TBC1D19: variants seen among roughly 807,000 people sequenced by gnomAD.
The protein encoded by TBC1D19 is TBC1 domain family member 19, also known as TBC1 domain family, member 19.
In TBC1D19, 60 loss-of-function variants were observed where a neutral mutation model predicts 89.0. That is an observed-to-expected ratio of 0.67 (90% CI 0.55 to 0.84). The LOEUF (loss-of-function observed/expected upper bound fraction) is 0.84, where lower values mean the gene tolerates loss of function less well. Ranked by LOEUF, TBC1D19 falls within the 40% of genes least tolerant of loss-of-function variation. The pLI, the probability that TBC1D19 is intolerant of heterozygous loss-of-function variation, is 0.00. For missense variants in TBC1D19, 500 were observed against 610.8 expected (o/e 0.82, Z 1.91); for synonymous variants, 189 against 199.7 (o/e 0.95, Z 0.45).
At chr4:26,675,514 G>A (rs932320745) in intron 11 of TBC1D19, among the ~76,000 whole-genome samples, 2 of 151,952 alleles carry the variant, frequency 1.3e-5, no homozygotes, top group African/African-American at 4.8e-5. Flanking sequence ...AATATTTTCA[G>A]GAAAGCAACC....
intron 4 of TBC1D19, among the ~76,000 whole-genome samples, chr4:26,625,527 G>A (rs1221966691): frequency 2.0e-5 from 3 of 152,190 alleles, no homozygotes; most frequent in African/African-American, 2.4e-5. Context: ...ACTTAAGTCC[G>A]TAGTTTATTC....
At chr4:26,753,799 G>C (rs1211110834) in intron 19 of TBC1D19, 21 bp from the exon 20 acceptor site, 4 of 1,613,538 alleles carry the variant, frequency 2.5e-6, no homozygotes, top group Non-Finnish European at 3.4e-6. Flanking sequence ...AGCAGTTGAA[G>C]TAGTGTGCAT....
At chr4:26,658,409 T>C (rs917865457) in intron 7 of TBC1D19, among the ~76,000 whole-genome samples, 1 of 152,190 alleles carries the variant, frequency 6.6e-6, no homozygotes, top group African/African-American at 2.4e-5. Flanking sequence ...ATGTGTGGTG[T>C]TGTTTTGGTG....
rs1217803429 is a variant in TBC1D19, at chr4:26,674,262, G to A, written c.816+374G>A. 2.0e-5 allele frequency among the ~76,000 whole-genome samples: 3 copies of A among 152,054 alleles called. 1 individual carries two copies. Among genetic ancestry groups the A allele is most frequent in the Admixed American group, 2.0e-4 (3 of 15,248 alleles). ...CTCAGGTTAAGTAAATGGATTCTTTGTCCCTATAGGTACTTTTGAAATATG... is the reference window on the plus strand; with the variant it reads ...CTCAGGTTAAGTAAATGGATTCTTTATCCCTATAGGTACTTTTGAAATATG... On this transcript the variant is annotated intron_variant, in intron 11 of 20. Coordinates refer to ENST00000264866, the MANE Select transcript of TBC1D19 (RefSeq NM_018317.4).
At chr4:26,842,799 G>A in the TBC1D19 span, among the ~76,000 whole-genome samples, 1 of 152,026 alleles carries the variant, frequency 6.6e-6, no homozygotes, top group Non-Finnish European at 1.5e-5. Flanking sequence ...GTGAGCCACA[G>A]TGCCTGGCCT....
chr4:26,723,969 G>C (rs1304554590), intron 15 of TBC1D19, among the ~76,000 whole-genome samples: 2 of 152,178 alleles, frequency 1.3e-5, no homozygotes, highest in African/African-American at 4.8e-5. Flanking sequence ...GTTGGGATGG[G>C]CATAGCCATT....
At chr4:26,697,552 AC>A (rs1714914471) in intron 13 of TBC1D19, among the ~76,000 whole-genome samples, 1 of 152,190 alleles carries the variant, frequency 6.6e-6, no homozygotes, top group Non-Finnish European at 1.5e-5. Context: ...TGGCAGAGAC[AC>A]AACAAAAAAA....
At chr4:26,734,363 C>A (rs1448542523) in intron 15 of TBC1D19, among the ~76,000 whole-genome samples, 8 of 152,048 alleles carry the variant, frequency 5.3e-5, no homozygotes. Flanking sequence ...TATTATTTTT[C>A]AAAAATGTAA....
At chr4:26,613,595 T>C (rs930366193) in intron 2 of TBC1D19, among the ~76,000 whole-genome samples, 3 of 152,148 alleles carry the variant, frequency 2.0e-5, no homozygotes, top group Non-Finnish European at 4.4e-5. Context: ...AGGTTTCTAT[T>C]TAGGGAGAAT....
At chr4:26,599,527 G>A (rs1740454306) in intron 1 of TBC1D19, among the ~76,000 whole-genome samples, 1 of 152,090 alleles carries the variant, frequency 6.6e-6, no homozygotes, top group South Asian at 2.1e-4. Context: ...AACGTTGACT[G>A]TATTTTAATA....
chr4:26,684,643 G>C (rs1713652171), intron 12 of TBC1D19, among the ~76,000 whole-genome samples: 1 of 152,068 alleles, frequency 6.6e-6, no homozygotes, highest in South Asian at 2.1e-4. Flanking sequence ...GAATAATTCT[G>C]AATTAATATT....
At chr4:26,778,779 AT>A in the TBC1D19 span, among the ~76,000 whole-genome samples, 1 of 152,316 alleles carries the variant, frequency 6.6e-6, no homozygotes, top group East Asian at 1.9e-4. Flanking sequence ...GAGATTCTGA[AT>A]TTTTATAAGA....
chr4:26,811,929 G>A, the TBC1D19 span, among the ~76,000 whole-genome samples: 20 of 152,254 alleles, frequency 1.3e-4, no homozygotes, highest in Admixed American at 1.3e-4. Context: ...CCTGTATCTT[G>A]TGCCAACCTC....
At chr4:26,655,169 G>A (rs902383449) in intron 7 of TBC1D19, among the ~76,000 whole-genome samples, 8 of 152,186 alleles carry the variant, frequency 5.3e-5, no homozygotes, top group South Asian at 2.1e-4. Context: ...TGTCAGCAGC[G>A]GCAGCTGCGG....
At chr4:26,834,414 G>A in the TBC1D19 span, among the ~76,000 whole-genome samples, 1 of 152,158 alleles carries the variant, frequency 6.6e-6, no homozygotes, top group African/African-American at 2.4e-5. Flanking sequence ...AATATTGAGT[G>A]CCCATTATGT....
intron 1 of TBC1D19, among the ~76,000 whole-genome samples, chr4:26,597,695 A>G (rs985251262): frequency 2.0e-5 from 3 of 151,894 alleles, no homozygotes; most frequent in African/African-American, 7.2e-5. Context: ...TTTTAATTGT[A>G]TAGTCTATTT....
chr4:26,701,089 C>G (rs1348227597), intron 13 of TBC1D19, among the ~76,000 whole-genome samples: 1 of 152,186 alleles, frequency 6.6e-6, no homozygotes, highest in Non-Finnish European at 1.5e-5. Context: ...ATACTCCTTT[C>G]TACCTCAGTC....
chr4:26,740,684 CT>C (rs925904201), intron 17 of TBC1D19: 15 of 984,980 alleles, frequency 1.5e-5, no homozygotes, highest in African/African-American at 1.2e-4. Context: ...TTCAGTTATG[CT>C]TTTTTTCCCC....
At chr4:26,820,529 T>C in the TBC1D19 span, among the ~76,000 whole-genome samples, 1 of 152,228 alleles carries the variant, frequency 6.6e-6, no homozygotes, top group Non-Finnish European at 1.5e-5. Context: ...AGAGTTTCCT[T>C]CTTTTTAAAG....
Sources: gnomAD v4.1 joint callset for allele counts (sites outside exome capture counted in the v4.1 genomes callset) on GRCh38, gnomAD v4.1.1 for gene constraint, MANE v1.5 for transcripts, NCBI Gene and HGNC (gene_info 2026-07-23, HGNC 2026-07-21) for gene names.